The following SLC2A13 variants were observed in gnomAD, a reference collection of about 807,000 sequenced individuals.
SLC2A13 encodes the protein solute carrier family 2 member 13, also known as proton myo-inositol cotransporter.
Under a neutral mutation model 64.4 loss-of-function variants are expected in SLC2A13, and 32 were observed. The observed-to-expected ratio is 0.50, with a 90% CI of 0.37 to 0.67. The LOEUF is 0.67. Ranked by LOEUF, SLC2A13 falls within the 30% of genes least tolerant of loss-of-function variation. SLC2A13 has a pLI of 0.00. For missense variants in SLC2A13, 743 were observed against 829.2 expected, an observed-to-expected ratio of 0.90 and a Z score of 1.28; for synonymous variants, 338 against 327.1, an observed-to-expected ratio of 1.03 and a Z score of -0.36.
At chr12:39,926,911 C>T (rs1945740713) in intron 4 of SLC2A13, among the ~76,000 whole-genome samples, 2 of 152,156 alleles carry the variant, frequency 1.3e-5, no homozygotes, top group Admixed American at 1.3e-4. Flanking sequence ...CACCTGCATC[C>T]AGCTAGTTCT....
chr12:40,095,122 T>A (rs1938896057), intron 1 of SLC2A13, among the ~76,000 whole-genome samples: 1 of 152,216 alleles, frequency 6.6e-6, no homozygotes, highest in Non-Finnish European at 1.5e-5. Flanking sequence ...TGCAATGAGT[T>A]AAAAATCTGG....
chr12:39,934,122 G>T (rs1291846258), intron 4 of SLC2A13, among the ~76,000 whole-genome samples: 1 of 152,192 alleles, frequency 6.6e-6, no homozygotes, highest in African/African-American at 2.4e-5. Flanking sequence ...AAAAGGGATT[G>T]TAAGGGGTGG....
chr12:39,824,217 CA>C (rs932968984), intron 7 of SLC2A13, among the ~76,000 whole-genome samples: 27 of 152,216 alleles, frequency 1.8e-4, no homozygotes, highest in Middle Eastern at 3.4e-3. Flanking sequence ...ATTCATTATT[CA>C]GGGGTTTTGA....
At chr12:40,043,834 A>T (rs1948131670) in intron 2 of SLC2A13, among the ~76,000 whole-genome samples, 1 of 152,184 alleles carries the variant, frequency 6.6e-6, no homozygotes, top group Admixed American at 6.5e-5. Context: ...GTAATCAAAA[A>T]AGACAAATAA....
chr12:39,786,514 T>C (rs1307415210), intron 7 of SLC2A13, among the ~76,000 whole-genome samples: 1 of 152,150 alleles, frequency 6.6e-6, no homozygotes, highest in African/African-American at 2.4e-5. Flanking sequence ...TGGTCATGTG[T>C]TCTAACTTAT....
intron 4 of SLC2A13, among the ~76,000 whole-genome samples, chr12:39,903,363 A>T (rs1440918306): frequency 6.6e-6 from 1 of 152,156 alleles, no homozygotes; most frequent in Non-Finnish European, 1.5e-5. Flanking sequence ...CATTGAAGAC[A>T]TATTCATAAA....
chr12:39,943,560 A>G (rs1174163704), intron 4 of SLC2A13, among the ~76,000 whole-genome samples: 1 of 152,142 alleles, frequency 6.6e-6, no homozygotes, highest in African/African-American at 2.4e-5. Flanking sequence ...ACTGTGAGGG[A>G]AAAACAGCCT....
chr12:40,041,739 T>C (rs1453601566), intron 2 of SLC2A13, among the ~76,000 whole-genome samples: 5 of 152,242 alleles, frequency 3.3e-5, no homozygotes, highest in Admixed American at 3.3e-4. Context: ...AGCAGCCTCA[T>C]AACTAGGTTT....
chr12:39,929,679 G>T (rs1449732552), intron 4 of SLC2A13, among the ~76,000 whole-genome samples: 1 of 152,186 alleles, frequency 6.6e-6, no homozygotes, highest in African/African-American at 2.4e-5. Context: ...GATACTGGAG[G>T]CTGCAGGAGA....
chr12:39,812,176 C>A (rs577725561), intron 7 of SLC2A13, among the ~76,000 whole-genome samples: 1 of 152,046 alleles, frequency 6.6e-6, no homozygotes, highest in Admixed American at 6.5e-5. Flanking sequence ...TGGTTCATAG[C>A]CATCTTTCAT....
chr12:40,063,585 G>C (rs1207066411), intron 1 of SLC2A13, among the ~76,000 whole-genome samples: 1 of 151,690 alleles, frequency 6.6e-6, no homozygotes, highest in East Asian at 1.9e-4. Flanking sequence ...CCCTTGCCCA[G>C]AAGTGTGCCA....
At chr12:39,797,728 A>ACACACACACACACATACG in intron 7 of SLC2A13, among the ~76,000 whole-genome samples, 1 of 10,420 alleles carries the variant, frequency 9.6e-5, no homozygotes, top group African/African-American at 1.7e-4. Flanking sequence ...GTTATGGTAA[A>ACACACACACACACATACG]CACACACACA....
intron 7 of SLC2A13, among the ~76,000 whole-genome samples, chr12:39,803,004 T>A (rs190859021): frequency 2.0e-5 from 3 of 152,258 alleles, no homozygotes; most frequent in Non-Finnish European, 4.4e-5. Context: ...GTATCTTCCA[T>A]GGGCCCCTTG....
chr12:40,076,342 C>A (rs896910413), intron 1 of SLC2A13, among the ~76,000 whole-genome samples: 1 of 152,104 alleles, frequency 6.6e-6, no homozygotes, highest in Non-Finnish European at 1.5e-5. Context: ...CAGTCAGGGT[C>A]TACTGTTCCT....
Position 40,009,912 on chromosome 12 carries a change from A to C in SLC2A13, c.925+18389T>G, listed in dbSNP as rs140850775. On this transcript the variant is annotated intron_variant, in intron 3 of 9. Transcript: ENST00000280871. ...TTAGAAACAGTGATGGAATTGCAGA[A>C]ACTTTTGTTTCCTTATACATTAGGT... Among the ~76,000 whole-genome samples, 1,150 of 152,328 alleles carry C rather than the reference A, an allele frequency of 7.5e-3. 14 individuals carry two copies. Among genetic ancestry groups the C allele is most frequent in the African/African-American group, 0.026 (1,090 of 41,576 alleles).
intron 1 of SLC2A13, among the ~76,000 whole-genome samples, chr12:40,058,130 A>G (rs1948363898): frequency 6.6e-6 from 1 of 151,992 alleles, no homozygotes; most frequent in African/African-American, 2.4e-5. Flanking sequence ...ATATAGTAAA[A>G]ACTTAACGAA....
At chr12:39,999,545 GA>G (rs1211516547) in intron 3 of SLC2A13, among the ~76,000 whole-genome samples, 1 of 152,166 alleles carries the variant, frequency 6.6e-6, no homozygotes, top group South Asian at 2.1e-4. Flanking sequence ...ATTAGGGTGG[GA>G]AAAAAACCTG....
intron 9 of SLC2A13, among the ~76,000 whole-genome samples, chr12:39,760,976 A>AC (rs1236073642): frequency 1.3e-5 from 2 of 150,142 alleles, no homozygotes; most frequent in Non-Finnish European, 3.0e-5. Flanking sequence ...ACACACACAT[A>AC]ATTGAATTGC....
intron 7 of SLC2A13, among the ~76,000 whole-genome samples, chr12:39,805,581 T>G (rs1298578258): frequency 1.3e-5 from 2 of 152,138 alleles, no homozygotes; most frequent in African/African-American, 4.8e-5. Context: ...AACTGATCTA[T>G]TATATTTAAA....
Sources: allele counts gnomAD v4.1 joint callset (sites outside exome capture counted in the v4.1 genomes callset), GRCh38; gene constraint gnomAD v4.1.1; transcripts MANE v1.5; gene names NCBI Gene and HGNC (gene_info 2026-07-23, HGNC 2026-07-21).